ROR1: variants seen among roughly 807,000 people sequenced by gnomAD.
ROR1 encodes ROR family WNT receptor 1, also known as inactive tyrosine-protein kinase transmembrane receptor ROR1.
A neutral mutation model predicts 78.8 loss-of-function variants in ROR1; 19 were observed. The ratio of observed to expected loss-of-function variants is 0.24; its 90% CI spans 0.17 to 0.35. The LOEUF (loss-of-function observed/expected upper bound fraction) is 0.35, where lower values mean the gene tolerates loss of function less well. ROR1 is among the 10% of genes least tolerant of loss of function. The probability of loss-of-function intolerance (pLI) is 1.00; values close to 1 mark genes in which losing one functional copy is unlikely to be tolerated. For missense variants in ROR1, 917 were observed against 1,177.8 expected (o/e 0.78, Z 3.24); for synonymous variants, 386 against 433.6 (o/e 0.89, Z 1.36).
intron 7 of ROR1, among the ~76,000 whole-genome samples, chr1:64,149,118 T>C (rs1443825119): frequency 6.6e-6 from 1 of 152,244 alleles, no homozygotes; most frequent in Non-Finnish European, 1.5e-5. Flanking sequence ...TGTTGAATAC[T>C]GTGCTAAGAT....
chr1:63,984,071 C>A (rs1646232378), intron 1 of ROR1, among the ~76,000 whole-genome samples: 2 of 152,052 alleles, frequency 1.3e-5, no homozygotes, highest in African/African-American at 4.8e-5. Flanking sequence ...TTCATGAAGA[C>A]CAAGTTGAAA....
At position 64,140,451 on chromosome 1, in the gene ROR1, G is replaced by C. The variant is rs1390853796; in HGVS notation, c.928+25G>C. Reference sequence around the variant, plus strand: ...AGTAAGTGGTAGCCCCTGACCTTCTGTGCTCTTCTAAGGGTCAGCAACCTG... The same window carrying C: ...AGTAAGTGGTAGCCCCTGACCTTCTCTGCTCTTCTAAGGGTCAGCAACCTG... On this transcript the variant is annotated intron_variant, in intron 6 of 8. Coordinates refer to ENST00000371079, the MANE Select transcript of ROR1 (RefSeq NM_005012.4). 6 of 1,605,976 alleles carry C rather than the reference G, an allele frequency of 3.7e-6. No homozygotes were observed. The East Asian group carries it at 1.3e-4, about 36-fold the overall frequency.
At chr1:63,993,780 A>G (rs1180883063) in intron 1 of ROR1, among the ~76,000 whole-genome samples, 9 of 152,174 alleles carry the variant, frequency 5.9e-5, no homozygotes, top group Non-Finnish European at 1.2e-4. Context: ...CTATTGCTGG[A>G]CAAGTAGGTT....
At chr1:64,053,500 T>C (rs1272287013) in intron 4 of ROR1, among the ~76,000 whole-genome samples, 2 of 152,242 alleles carry the variant, frequency 1.3e-5, no homozygotes, top group Non-Finnish European at 2.9e-5. Flanking sequence ...CTGTCATTGC[T>C]GGGTCCTGGC....
chr1:63,992,364 C>T (rs765175886), intron 1 of ROR1, among the ~76,000 whole-genome samples: 10 of 152,022 alleles, frequency 6.6e-5, no homozygotes, highest in African/African-American at 9.7e-5. Flanking sequence ...CACACCACCA[C>T]GCCCAGTTAA....
At chr1:64,175,976 A>T (rs149075496) in intron 8 of ROR1, among the ~76,000 whole-genome samples, 342 of 152,256 alleles carry the variant, frequency 2.2e-3, no homozygotes, top group African/African-American at 7.9e-3. Context: ...AAGGATGGGG[A>T]TTATTTGAAA....
intron 1 of ROR1, chr1:63,775,444 C>G (rs1345479411): frequency 6.6e-6 from 1 of 152,102 alleles, no homozygotes; most frequent in Non-Finnish European, 1.5e-5. Flanking sequence ...TTAAAGTCTC[C>G]GGGGTCTCGG....
intron 1 of ROR1, among the ~76,000 whole-genome samples, chr1:63,979,746 T>C (rs1323638429): frequency 6.6e-6 from 1 of 152,098 alleles, no homozygotes; most frequent in Non-Finnish European, 1.5e-5. Context: ...GGGCACATGA[T>C]GAAAGGCCAT....
intron 1 of ROR1, among the ~76,000 whole-genome samples, chr1:63,902,714 A>G (rs1285854483): frequency 6.6e-6 from 1 of 152,178 alleles, no homozygotes; most frequent in Non-Finnish European, 1.5e-5. Context: ...CCTGAAAAGT[A>G]TTGGCTTAAT....
At chr1:64,002,723 T>C (rs1470511732) in intron 1 of ROR1, among the ~76,000 whole-genome samples, 3 of 152,200 alleles carry the variant, frequency 2.0e-5, no homozygotes, top group Non-Finnish European at 4.4e-5. Flanking sequence ...AAAAGGCATT[T>C]AAGTGTGATT....
intron 1 of ROR1, among the ~76,000 whole-genome samples, chr1:63,963,695 C>T (rs1233459089): frequency 4.6e-5 from 7 of 152,134 alleles, no homozygotes; most frequent in East Asian, 1.9e-4. Flanking sequence ...GGCTCCTTTA[C>T]GGATAGGTGT....
intron 1 of ROR1, among the ~76,000 whole-genome samples, chr1:63,853,282 C>T (rs1295514862): frequency 2.0e-5 from 3 of 152,186 alleles, no homozygotes; most frequent in Non-Finnish European, 4.4e-5. Flanking sequence ...TGAGAACACA[C>T]TACATATACC....
chr1:64,082,764 G>T (rs910839389), intron 4 of ROR1, among the ~76,000 whole-genome samples: 3 of 152,188 alleles, frequency 2.0e-5, no homozygotes, highest in Non-Finnish European at 4.4e-5. Context: ...GGCTGACCTT[G>T]GTTTAAGCTC....
chr1:64,149,918 A>G (rs1011141305), intron 7 of ROR1, among the ~76,000 whole-genome samples: 4 of 152,168 alleles, frequency 2.6e-5, no homozygotes, highest in South Asian at 2.1e-4. Flanking sequence ...TCCTTTTGCA[A>G]CAATCTGTCC....
At chr1:63,821,100 G>A (rs1215199296) in intron 1 of ROR1, among the ~76,000 whole-genome samples, 2 of 152,106 alleles carry the variant, frequency 1.3e-5, no homozygotes, top group African/African-American at 4.8e-5. Context: ...AGATTATGCT[G>A]GGGGGAGGAA....
intron 1 of ROR1, among the ~76,000 whole-genome samples, chr1:63,995,977 G>A (rs1330803339): frequency 6.6e-6 from 1 of 151,994 alleles, no homozygotes; most frequent in African/African-American, 2.4e-5. Context: ...AATAAATTGT[G>A]GGCATTTTAT....
intron 1 of ROR1, among the ~76,000 whole-genome samples, chr1:63,837,555 T>C (rs1359762028): frequency 1.3e-5 from 2 of 152,224 alleles, no homozygotes; most frequent in East Asian, 1.9e-4. Flanking sequence ...GACATTTATA[T>C]TGATAATTAA....
chr1:63,846,899 C>G (rs1645084988), intron 1 of ROR1, among the ~76,000 whole-genome samples: 1 of 152,178 alleles, frequency 6.6e-6, no homozygotes, highest in Admixed American at 6.5e-5. Context: ...GACCACAGGC[C>G]CAGGACAGCG....
chr1:64,112,779 T>C (rs1340153393), intron 4 of ROR1, among the ~76,000 whole-genome samples: 1 of 149,894 alleles, frequency 6.7e-6, no homozygotes, highest in Non-Finnish European at 1.5e-5. Flanking sequence ...AGTGTGCTCA[T>C]CAATTCTTAT....
Sources: allele counts gnomAD v4.1 joint callset (sites outside exome capture counted in the v4.1 genomes callset), GRCh38; gene constraint gnomAD v4.1.1; transcripts MANE v1.5; gene names NCBI Gene and HGNC (gene_info 2026-07-23, HGNC 2026-07-21).